Variants in TRHDE observed in about 807,000 individuals in gnomAD.
TRHDE encodes thyrotropin releasing hormone degrading enzyme, also known as thyrotropin-releasing hormone-degrading ectoenzyme.
In TRHDE, 72 loss-of-function variants were observed where a neutral mutation model predicts 125.7. The observed-to-expected ratio is 0.57, with a 90% CI of 0.47 to 0.70. The LOEUF (loss-of-function observed/expected upper bound fraction) is 0.70, where lower values mean the gene tolerates loss of function less well. Among genes scored for constraint, TRHDE ranks in the 30% least tolerant of loss-of-function variants. The probability of loss-of-function intolerance (pLI) is 0.00; values close to 1 mark genes in which losing one functional copy is unlikely to be tolerated. For synonymous variants in TRHDE, 509 were observed against 509.1 expected, an observed-to-expected ratio of 1.00 and a Z score of 0.00; for missense variants, 1,110 against 1,327.1, an observed-to-expected ratio of 0.84 and a Z score of 2.54.
intron 3 of TRHDE, among the ~76,000 whole-genome samples, chr12:72,402,280 C>T (rs894643782): frequency 6.6e-5 from 10 of 151,340 alleles, no homozygotes; most frequent in Non-Finnish European, 1.2e-4. Context: ...AAAAAAAAAC[C>T]GCAAAAAAAA....
At chr12:72,175,837 G>T (rs186840255) in intron 2 of TRHDE, among the ~76,000 whole-genome samples, 2 of 152,308 alleles carry the variant, frequency 1.3e-5, no homozygotes, top group Admixed American at 1.3e-4. Flanking sequence ...CAATTCAGAA[G>T]AATTTTAGAG....
intron 1 of TRHDE, among the ~76,000 whole-genome samples, chr12:72,087,905 G>A (rs1874705612): frequency 6.6e-6 from 1 of 152,110 alleles, no homozygotes; most frequent in South Asian, 2.1e-4. Flanking sequence ...GGAGGAGTAG[G>A]ACTGCAGGAT....
At chr12:72,139,596 C>A (rs936114915) in intron 2 of TRHDE, among the ~76,000 whole-genome samples, 2 of 151,958 alleles carry the variant, frequency 1.3e-5, no homozygotes, top group African/African-American at 4.8e-5. Flanking sequence ...TTAGGAATGA[C>A]ACAGGTGGTA....
At chr12:72,246,023 A>T (rs1878569477) in intron 2 of TRHDE, among the ~76,000 whole-genome samples, 1 of 152,166 alleles carries the variant, frequency 6.6e-6, no homozygotes, top group Admixed American at 6.5e-5. Context: ...TACAATGGTC[A>T]GCCTCTCTCT....
At chr12:72,611,734 G>T (rs1441359958) in intron 12 of TRHDE, among the ~76,000 whole-genome samples, 1 of 152,206 alleles carries the variant, frequency 6.6e-6, no homozygotes, top group Non-Finnish European at 1.5e-5. Flanking sequence ...TCCTTTGACT[G>T]TGTAAGAGTT....
At chr12:72,519,109 T>A (rs557879483) in intron 6 of TRHDE, among the ~76,000 whole-genome samples, 1 of 152,304 alleles carries the variant, frequency 6.6e-6, no homozygotes, top group African/African-American at 2.4e-5. Context: ...TTGGTGAATC[T>A]GACAATTATG....
In TRHDE at chr12:72,293,776, CT is replaced by C. The variant is rs1168007888; in HGVS notation, c.1188+6823del. ...AACCTGTGGCCAATGGCACTTTTGC[CT>C]GAGTTTTGCTTGTGCCAGCTGGGCT... is the stretch of plus-strand genomic sequence containing the variant. On this transcript the variant is annotated intron_variant, in intron 2 of 18. Transcript: ENST00000261180. Among the ~76,000 whole-genome samples the C allele has an allele frequency of 3.3e-5, 5 of 152,240 alleles. No homozygotes were observed. The South Asian group carries it at 1.0e-3, about 32-fold the overall frequency.
rs1465673405 is a variant in TRHDE at position 72,575,527 on chromosome 12, C to G, written c.2306C>G (p.Ala769Gly). The change falls in exon 12 of 19, where the codon GCC becomes GGC. Residue 769 changes from alanine to glycine, a missense_variant. Coordinates refer to ENST00000261180, the MANE Select transcript of TRHDE (RefSeq NM_013381.3). The stretch of plus-strand genomic sequence containing the variant: ...AACCGAGCGGGCTTGATCGATGATG[C>G]CTTCAGCCTAGCCAGGTATGTTTTC... ...VSNRAGLIDD[A>G]FSLARAGYLP... The G allele has an allele frequency of 5.0e-6, 8 of 1,613,448 alleles. No homozygotes were observed. Among genetic ancestry groups the G allele is most frequent in the Non-Finnish European group, 5.9e-6 (7 of 1,179,704 alleles).
intron 3 of TRHDE, among the ~76,000 whole-genome samples, chr12:72,453,528 A>ATTT (rs1229689156): frequency 2.0e-5 from 3 of 152,208 alleles, no homozygotes; most frequent in African/African-American, 7.2e-5. Flanking sequence ...AGAAAAGCCC[A>ATTT]TTTTCAGGAG....
In TRHDE at chr12:72,437,355, A is replaced by G. The variant is rs145656791; in HGVS notation, c.1316-32403A>G. Among the ~76,000 whole-genome samples the G allele has an allele frequency of 8.3e-3, 1,263 of 151,714 alleles. 18 individuals carry two copies. The highest frequency in any genetic ancestry group is 0.029 in the African/African-American group (1,220 of 41,444). ...ATCCCTCTCTGATCTTCTGTCACCC[A>G]TTTCTCCGTTGTATTTCTGCTAATC... On this transcript the variant is annotated intron_variant, in intron 3 of 18. Coordinates refer to ENST00000261180, the MANE Select transcript of TRHDE (RefSeq NM_013381.3).
chr12:72,479,090 G>C (rs903207220), intron 5 of TRHDE, among the ~76,000 whole-genome samples: 3 of 152,074 alleles, frequency 2.0e-5, no homozygotes, highest in South Asian at 2.1e-4. Flanking sequence ...TTGTGGCACT[G>C]GTTAACATGG....
At chr12:72,150,935 A>G (rs978148654) in intron 2 of TRHDE, among the ~76,000 whole-genome samples, 1 of 152,100 alleles carries the variant, frequency 6.6e-6, no homozygotes, top group Admixed American at 6.6e-5. Flanking sequence ...GGCTGGGTCA[A>G]ATGGTATTTC....
intron 2 of TRHDE, among the ~76,000 whole-genome samples, chr12:72,375,247 G>A (rs1474487020): frequency 6.6e-6 from 1 of 152,140 alleles, no homozygotes; most frequent in Non-Finnish European, 1.5e-5. Context: ...CAGTAAGTAT[G>A]AATGTCTTGT....
intron 5 of TRHDE, among the ~76,000 whole-genome samples, chr12:72,481,336 A>AC (rs1307075296): frequency 6.6e-6 from 1 of 151,036 alleles, no homozygotes; most frequent in African/African-American, 2.4e-5. Context: ...AAAAAAAAAA[A>AC]CCAGAAAAAT....
intron 2 of TRHDE, among the ~76,000 whole-genome samples, chr12:72,215,368 T>A (rs1877866169): frequency 6.6e-6 from 1 of 152,140 alleles, no homozygotes; most frequent in Admixed American, 6.5e-5. Context: ...ACTTCTTTTG[T>A]GATTCTTCAG....
rs551087659 is a variant in TRHDE at position 72,436,959 on chromosome 12, A to G, written c.1316-32799A>G. On this transcript the variant is annotated intron_variant, in intron 3 of 18. Coordinates refer to ENST00000261180, the MANE Select transcript of TRHDE (RefSeq NM_013381.3). ...CATATCTGGGCATCCTCCATTATCT[A>G]TTTTCAAGTATTTATATTTTCAGTT... Among the ~76,000 whole-genome samples the G allele has an allele frequency of 2.0e-5, 3 of 151,866 alleles. No individual in the cohort carries two copies. The East Asian group carries it at 5.8e-4, about 29-fold the overall frequency.
At chr12:72,442,645 A>G (rs567680667) in intron 3 of TRHDE, among the ~76,000 whole-genome samples, 21 of 151,896 alleles carry the variant, frequency 1.4e-4, no homozygotes, top group African/African-American at 4.6e-4. Context: ...ATTATGAGTT[A>G]TATTTTTGCA....
At chr12:72,626,905 GTGTGGTC>G (rs1368904022) in intron 15 of TRHDE, among the ~76,000 whole-genome samples, 1 of 151,812 alleles carries the variant, frequency 6.6e-6, no homozygotes, top group Non-Finnish European at 1.5e-5. Flanking sequence ...TTCCAAGTTG[GTGTGGTC>G]CTATTTCCTC....
intron 12 of TRHDE, among the ~76,000 whole-genome samples, chr12:72,598,946 A>G (rs1469334811): frequency 3.3e-5 from 5 of 151,962 alleles, no homozygotes; most frequent in African/African-American, 1.2e-4. Flanking sequence ...ATGAGTACCT[A>G]TTGTTTAGCT....
Sources: allele counts gnomAD v4.1 joint callset (sites outside exome capture counted in the v4.1 genomes callset), GRCh38; gene constraint gnomAD v4.1.1; transcripts MANE v1.5; gene names NCBI Gene and HGNC (gene_info 2026-07-23, HGNC 2026-07-21).